The following CSMD1 variants were observed in gnomAD, a reference collection of about 807,000 sequenced individuals.
The protein encoded by CSMD1 is CUB and Sushi multiple domains 1.
In CSMD1, 213 loss-of-function variants were observed where a neutral mutation model predicts 417.5. That is an observed-to-expected ratio of 0.51 (90% CI 0.46 to 0.57). CSMD1 has a LOEUF of 0.57. CSMD1 is among the 20% of genes least tolerant of loss of function. CSMD1 has a pLI of 0.00. For missense variants in CSMD1, 6,923 were observed against 4,529.7 expected, an observed-to-expected ratio of 1.53 and a Z score of -15.17; for synonymous variants, 2,862 against 1,736.8, an observed-to-expected ratio of 1.65 and a Z score of -16.11.
intron 2 of CSMD1, among the ~76,000 whole-genome samples, chr8:4,423,952 A>T (rs894528266): frequency 6.6e-6 from 1 of 152,116 alleles, no homozygotes. Flanking sequence ...ACAGATTCAA[A>T]AGAAATTGCA....
At chr8:4,188,847 C>A (rs999584622) in intron 3 of CSMD1, among the ~76,000 whole-genome samples, 13 of 148,158 alleles carry the variant, frequency 8.8e-5, no homozygotes, top group Non-Finnish European at 1.8e-4. Flanking sequence ...AAAAAAAAAA[C>A]GAAATGTTTC....
intron 37 of CSMD1, among the ~76,000 whole-genome samples, chr8:3,171,989 A>C (rs1820609297): frequency 6.6e-6 from 1 of 152,206 alleles, no homozygotes. Context: ...AGACTTACCT[A>C]AATGATATTA....
intron 26 of CSMD1, among the ~76,000 whole-genome samples, chr8:3,264,494 G>C (rs1303720174): frequency 2.0e-5 from 3 of 152,138 alleles, no homozygotes; most frequent in African/African-American, 7.2e-5. Flanking sequence ...CAAAGAGAGG[G>C]AAAAATCTAA....
At chr8:4,214,682 G>A (rs1800528346) in intron 3 of CSMD1, among the ~76,000 whole-genome samples, 1 of 152,018 alleles carries the variant, frequency 6.6e-6, no homozygotes, top group Admixed American at 6.6e-5. Flanking sequence ...GAGTGTGTTT[G>A]GTGTGTGTGT....
chr8:3,021,806 C>T (rs1035561868), intron 51 of CSMD1, among the ~76,000 whole-genome samples: 1 of 150,286 alleles, frequency 6.7e-6, no homozygotes, highest in African/African-American at 2.5e-5. Context: ...ATCTGGAATG[C>T]ACCCGCAATC....
chr8:3,810,393 C>A (rs1187271295), intron 5 of CSMD1, among the ~76,000 whole-genome samples: 1 of 152,162 alleles, frequency 6.6e-6, no homozygotes, highest in African/African-American at 2.4e-5. Flanking sequence ...GGTGACCCTT[C>A]AGGGAGAGCT....
At chr8:4,537,710 T>C (rs1017253535) in intron 2 of CSMD1, among the ~76,000 whole-genome samples, 2 of 152,160 alleles carry the variant, frequency 1.3e-5, no homozygotes, top group African/African-American at 2.4e-5. Flanking sequence ...GACAAAAGCA[T>C]GGCTTCCCCC....
chr8:4,404,895 T>C (rs989495939), intron 3 of CSMD1, among the ~76,000 whole-genome samples: 4 of 152,212 alleles, frequency 2.6e-5, no homozygotes, highest in African/African-American at 7.2e-5. Context: ...ATTTCGCTCA[T>C]TGAATTTTTC....
rs1017023470 is a variant in CSMD1 at position 3,884,206 on chromosome 8, T to C, written c.818+113697A>G. Among the ~76,000 whole-genome samples, 106 of 152,334 alleles carry C rather than the reference T, an allele frequency of 7.0e-4. 1 individual carries two copies. The highest frequency in any genetic ancestry group is 1.2e-4 in the Non-Finnish European group (8 of 68,036). ...AATTCACTTTTTAAATAGGTAAGTTTGTTTAATAAGCCTTCCATTATCCTT... is the reference window on the plus strand; with the variant it reads ...AATTCACTTTTTAAATAGGTAAGTTCGTTTAATAAGCCTTCCATTATCCTT... On this transcript the variant is annotated intron_variant, in intron 5 of 69. Transcript: ENST00000635120.
intron 3 of CSMD1, among the ~76,000 whole-genome samples, chr8:4,331,763 C>A (rs758927538): frequency 2.6e-5 from 4 of 152,110 alleles, no homozygotes; most frequent in Non-Finnish European, 5.9e-5. Context: ...GTCCATGTGC[C>A]AAGTCTTCCC....
At chr8:4,317,057 C>A (rs147166191) in intron 3 of CSMD1, among the ~76,000 whole-genome samples, 1 of 152,216 alleles carries the variant, frequency 6.6e-6, no homozygotes, top group East Asian at 1.9e-4. Context: ...AACATACAAG[C>A]CCTGTGGAAT....
At chr8:3,048,176 C>G (rs1410874293) in intron 50 of CSMD1, among the ~76,000 whole-genome samples, 1 of 152,156 alleles carries the variant, frequency 6.6e-6, no homozygotes, top group Non-Finnish European at 1.5e-5. Context: ...TCAGTCAGGA[C>G]ACTGACCTAA....
chr8:4,027,323 T>G (rs1031732403), intron 4 of CSMD1, among the ~76,000 whole-genome samples: 1 of 152,176 alleles, frequency 6.6e-6, no homozygotes, highest in Admixed American at 6.5e-5. Flanking sequence ...GATGATGGTA[T>G]GCTTTGGCTG....
intron 3 of CSMD1, among the ~76,000 whole-genome samples, chr8:4,063,058 T>C (rs546259382): frequency 5.3e-5 from 8 of 152,234 alleles, no homozygotes; most frequent in Admixed American, 3.3e-4. Context: ...TAGGGATAAA[T>C]ATATGAGAGA....
At chr8:3,644,336 T>C (rs1176842510) in intron 7 of CSMD1, among the ~76,000 whole-genome samples, 1 of 152,170 alleles carries the variant, frequency 6.6e-6, no homozygotes, top group African/African-American at 2.4e-5. Flanking sequence ...TAGAGGCAAA[T>C]GGCCTTGTGT....
intron 4 of CSMD1, among the ~76,000 whole-genome samples, chr8:4,023,450 T>C (rs141599149): frequency 1.0e-3 from 152 of 152,252 alleles, no homozygotes; most frequent in African/African-American, 3.5e-3. Context: ...TCATCTAGAC[T>C]CTGGGTTGAG....
intron 1 of CSMD1, among the ~76,000 whole-genome samples, chr8:4,876,741 G>C (rs1803065012): frequency 6.6e-6 from 1 of 152,048 alleles, no homozygotes. Context: ...CTTGTGTGCT[G>C]AGTGTACCAG....
intron 5 of CSMD1, among the ~76,000 whole-genome samples, chr8:3,788,038 C>A (rs1269675693): frequency 6.6e-6 from 1 of 152,130 alleles, no homozygotes; most frequent in Non-Finnish European, 1.5e-5. Flanking sequence ...AGAGTCTTAA[C>A]CTCACACACT....
chr8:4,519,477 C>A (rs930846368), intron 2 of CSMD1, among the ~76,000 whole-genome samples: 4 of 151,768 alleles, frequency 2.6e-5, no homozygotes, highest in African/African-American at 4.8e-5. Flanking sequence ...TGGTGGCTCA[C>A]GCCTGTAACC....
Sources: gnomAD v4.1 joint callset for allele counts (sites outside exome capture counted in the v4.1 genomes callset) on GRCh38, gnomAD v4.1.1 for gene constraint, MANE v1.5 for transcripts, NCBI Gene and HGNC (gene_info 2026-07-23, HGNC 2026-07-21) for gene names.